The following SRGAP3 variants were observed in gnomAD, a reference collection of about 807,000 sequenced individuals.
SRGAP3 encodes SLIT-ROBO Rho GTPase activating protein 3.
Under a neutral mutation model 121.1 loss-of-function variants are expected in SRGAP3, and 39 were observed. The ratio of observed to expected loss-of-function variants is 0.32; its 90% CI spans 0.25 to 0.42. SRGAP3 has a LOEUF of 0.42. Among genes scored for constraint, SRGAP3 ranks in the 10% least tolerant of loss-of-function variants. The probability of loss-of-function intolerance (pLI) is 1.00; values close to 1 mark genes in which losing one functional copy is unlikely to be tolerated. For synonymous variants in SRGAP3, 601 were observed against 570.0 expected (o/e 1.05, Z -0.77); for missense variants, 1,213 against 1,470.6 (o/e 0.82, Z 2.86).
At chr3:9,114,405 G>A (rs1948733883) in intron 2 of SRGAP3, among the ~76,000 whole-genome samples, 1 of 152,178 alleles carries the variant, frequency 6.6e-6, no homozygotes, top group Admixed American at 6.5e-5. Flanking sequence ...CCTATGATAA[G>A]TGTTCTAAAA....
intron 12 of SRGAP3, chr3:9,028,201 A>G: frequency 1.3e-6 from 2 of 1,594,476 alleles, no homozygotes; most frequent in Non-Finnish European, 1.7e-6. Context: ...AAGATCAGTT[A>G]GAGTAAGCAG....
chr3:9,333,124 T>C (rs1955637764), intron 1 of SRGAP3, among the ~76,000 whole-genome samples: 1 of 152,166 alleles, frequency 6.6e-6, no homozygotes, highest in Non-Finnish European at 1.5e-5. Context: ...TAAATTAAAA[T>C]TATAGTCTAC....
chr3:9,260,256 T>G (rs1223382787), intron 3 of SRGAP3, among the ~76,000 whole-genome samples: 1 of 151,536 alleles, frequency 6.6e-6, no homozygotes, highest in Non-Finnish European at 1.5e-5. Context: ...GCTGCAGGAG[T>G]TTTTTTCGTA....
chr3:9,184,255 C>T (rs1575203759), intron 1 of SRGAP3, among the ~76,000 whole-genome samples: 1 of 152,094 alleles, frequency 6.6e-6, no homozygotes, highest in East Asian at 1.9e-4. Flanking sequence ...CAGTCATGAC[C>T]TTTAACAAAA....
chr3:9,269,925 G>A (rs1403820009), intron 3 of SRGAP3, among the ~76,000 whole-genome samples: 2 of 151,466 alleles, frequency 1.3e-5, no homozygotes, highest in African/African-American at 2.4e-5. Context: ...GAAGGAAGGA[G>A]GAAGGGAGGG....
chr3:9,180,197 T>TGCAGGGAACAAGATTGA (rs1175999587), intron 1 of SRGAP3, among the ~76,000 whole-genome samples: 3 of 152,110 alleles, frequency 2.0e-5, no homozygotes, highest in Admixed American at 6.5e-5. Flanking sequence ...ACCTCGGCAG[T>TGCAGGGAACAAGATTGA]GCAGGGAACA....
At chr3:9,314,632 GCCTGCCCTCCTCTCCCCAC>G (rs539368498) in intron 3 of SRGAP3, among the ~76,000 whole-genome samples, 1 of 146,380 alleles carries the variant, frequency 6.8e-6, no homozygotes, top group Non-Finnish European at 1.5e-5. Context: ...TATGTGTCCA[GCCTGCCCTCCTCTCCCCAC>G]CCTGCCCTCC....
In SRGAP3 at chr3:9,108,435, T is replaced by C. The variant is rs141977353; in HGVS notation, c.261-3593A>G. ...GAGTTCAAGACCAGCCTGGGCAACA[T>C]AGCAAGACTCCGTCTCTACAAAAAA... On this transcript the variant is annotated intron_variant, in intron 2 of 21. Coordinates refer to ENST00000383836, the MANE Select transcript of SRGAP3 (RefSeq NM_014850.4). Among the ~76,000 whole-genome samples, 449 of 151,996 alleles carry C rather than the reference T, an allele frequency of 3.0e-3. 4 individuals carry two copies. Among genetic ancestry groups the C allele is most frequent in the African/African-American group, 0.01 (420 of 41,456 alleles).
chr3:8,987,216 G>C (rs1368241890), intron 21 of SRGAP3, among the ~76,000 whole-genome samples: 1 of 152,176 alleles, frequency 6.6e-6, no homozygotes, highest in East Asian at 1.9e-4. Context: ...GAGCCCCATG[G>C]GTTCCCATGA....
intron 1 of SRGAP3, among the ~76,000 whole-genome samples, chr3:9,170,532 G>A (rs915013350): frequency 4.6e-5 from 7 of 152,188 alleles, no homozygotes; most frequent in South Asian, 4.2e-4. Flanking sequence ...TTAGGAAGTC[G>A]CACTCAAATG....
chr3:9,344,651 A>AAAAG (rs1339683363), intron 1 of SRGAP3, among the ~76,000 whole-genome samples: 1 of 151,928 alleles, frequency 6.6e-6, no homozygotes, highest in Non-Finnish European at 1.5e-5. Flanking sequence ...AAAACAAAAA[A>AAAAG]AAAGAAAGAA....
In SRGAP3 at chr3:9,102,329, G is replaced by A. The variant is rs182247110; in HGVS notation, c.423+2351C>T. Among the ~76,000 whole-genome samples, 3 of 152,256 alleles carry A rather than the reference G, an allele frequency of 2.0e-5. No homozygotes were observed. The East Asian group carries it at 5.8e-4, about 29-fold the overall frequency. Reference sequence around the variant, plus strand: ...TGAGACTCAGAGAGACTTGCCCAGGGTGCAGTGATAGGCAGTTCTGAGACA... The same window carrying A: ...TGAGACTCAGAGAGACTTGCCCAGGATGCAGTGATAGGCAGTTCTGAGACA... On this transcript the variant is annotated intron_variant, in intron 3 of 21. Transcript: ENST00000383836.
rs549323776 is a variant in SRGAP3, at chr3:9,139,805, A to G, written c.68-14888T>C. 2.8e-4 allele frequency among the ~76,000 whole-genome samples: 42 copies of G among 152,300 alleles called. No homozygotes were observed. In the South Asian group the frequency reaches 5.8e-3, roughly 21 times the overall value. The stretch of plus-strand genomic sequence containing the variant: ...GAGTATCGTCTAAAAGGGGAATGGT[A>G]TTGAATATAAGATGACCAGAAGAAG... On this transcript the variant is annotated intron_variant, in intron 1 of 21. Coordinates refer to ENST00000383836, the MANE Select transcript of SRGAP3 (RefSeq NM_014850.4).
intron 3 of SRGAP3, among the ~76,000 whole-genome samples, chr3:9,290,110 T>TA (rs369968790): frequency 7.8e-4 from 115 of 147,782 alleles, no homozygotes; most frequent in Non-Finnish European, 1.2e-3. Flanking sequence ...GACTCGGTCT[T>TA]AAAAAAAAAA....
chr3:9,008,647 C>A lies in SRGAP3; in HGVS notation c.2227+1661G>T, dbSNP rs372772717. ...ATCACCAGGAATAAGCAGAAGGTGG[C>A]GGCCTTCACATCTCCAAACAAAGCC... On this transcript the variant is annotated intron_variant, in intron 18 of 21. Transcript: ENST00000383836. Among the ~76,000 whole-genome samples the A allele has an allele frequency of 6.6e-5, 10 of 152,248 alleles. No individual in the cohort carries two copies. The East Asian group carries it at 1.2e-3, about 18-fold the overall frequency.
chr3:9,022,326 CAACT>C (rs769891384), intron 14 of SRGAP3, among the ~76,000 whole-genome samples: 121 of 152,258 alleles, frequency 7.9e-4, no homozygotes, highest in Non-Finnish European at 1.2e-3. Context: ...GACTCCATCC[CAACT>C]AACTAACTAA....
chr3:9,087,289 G>T (rs979388573), intron 3 of SRGAP3, among the ~76,000 whole-genome samples: 2 of 151,924 alleles, frequency 1.3e-5, no homozygotes, highest in South Asian at 2.1e-4. Flanking sequence ...ACCATATGAG[G>T]CACAGATGAA....
At chr3:9,361,111 T>C (rs62246266) in intron 1 of SRGAP3, among the ~76,000 whole-genome samples, 1 of 152,310 alleles carries the variant, frequency 6.6e-6, no homozygotes, top group East Asian at 1.9e-4. Context: ...ATATTTTTCA[T>C]TTTATTTTTG....
At chr3:9,320,515 C>A (rs1285917867) in intron 3 of SRGAP3, among the ~76,000 whole-genome samples, 1 of 151,856 alleles carries the variant, frequency 6.6e-6, no homozygotes, top group African/African-American at 2.4e-5. Flanking sequence ...CCTGCTCCTG[C>A]CATGTGAGAC....
Sources: gnomAD v4.1 joint callset for allele counts (sites outside exome capture counted in the v4.1 genomes callset) on GRCh38, gnomAD v4.1.1 for gene constraint, MANE v1.5 for transcripts, NCBI Gene and HGNC (gene_info 2026-07-23, HGNC 2026-07-21) for gene names.